The following GPC5 variants were observed in gnomAD, a reference collection of about 807,000 sequenced individuals.
The protein encoded by GPC5 is glypican-5.
GPC5 carries 47 observed loss-of-function variants against 53.9 expected under a neutral mutation model. The ratio of observed to expected loss-of-function variants is 0.87; its 90% CI spans 0.69 to 1.11. GPC5 has a LOEUF of 1.11. GPC5 is among the 50% of genes most tolerant of loss of function. The pLI, the probability that GPC5 is intolerant of heterozygous loss-of-function variation, is 0.00. For synonymous variants in GPC5, 286 were observed against 263.3 expected (o/e 1.09, Z -0.84); for missense variants, 748 against 713.1 (o/e 1.05, Z -0.56).
intron 5 of GPC5, among the ~76,000 whole-genome samples, chr13:91,852,566 T>C (rs2038926385): frequency 6.6e-6 from 1 of 152,122 alleles, no homozygotes; most frequent in Non-Finnish European, 1.5e-5. Flanking sequence ...GAAAATCTTT[T>C]GGTGTTGGAG....
chr13:91,571,207 A>G (rs918836353), intron 2 of GPC5, among the ~76,000 whole-genome samples: 3 of 152,144 alleles, frequency 2.0e-5, no homozygotes, highest in African/African-American at 7.2e-5. Flanking sequence ...AATAATTTGT[A>G]TGCAAGTATA....
intron 1 of GPC5, among the ~76,000 whole-genome samples, chr13:91,414,666 C>G (rs1878052492): frequency 6.6e-6 from 1 of 152,158 alleles, no homozygotes; most frequent in African/African-American, 2.4e-5. Flanking sequence ...CTCTGTTTGG[C>G]TTTTGCATAG....
intron 5 of GPC5, among the ~76,000 whole-genome samples, chr13:91,872,872 C>T (rs941905096): frequency 6.6e-6 from 1 of 151,936 alleles, no homozygotes; most frequent in Non-Finnish European, 1.5e-5. Flanking sequence ...AAAAAACACT[C>T]ATGGAAGAAA....
At chr13:92,803,682 T>C (rs1876990045) in intron 7 of GPC5, among the ~76,000 whole-genome samples, 1 of 151,966 alleles carries the variant, frequency 6.6e-6, no homozygotes, top group African/African-American at 2.4e-5. Context: ...TTATTTTCCA[T>C]TCTTTTGATT....
At chr13:92,494,454 A>C (rs2138919039) in intron 7 of GPC5, among the ~76,000 whole-genome samples, 1 of 152,330 alleles carries the variant, frequency 6.6e-6, no homozygotes, top group East Asian at 1.9e-4. Context: ...TCATCCTTGA[A>C]AGGAAATCAT....
intron 1 of GPC5, among the ~76,000 whole-genome samples, chr13:91,412,624 A>G (rs1285378543): frequency 6.6e-6 from 1 of 152,242 alleles, no homozygotes; most frequent in African/African-American, 2.4e-5. Context: ...ATATGTGAAG[A>G]TTAGTGAACT....
chr13:91,594,009 C>T (rs1196075710), intron 2 of GPC5, among the ~76,000 whole-genome samples: 1 of 151,792 alleles, frequency 6.6e-6, no homozygotes, highest in African/African-American at 2.4e-5. Flanking sequence ...TTTCACATTT[C>T]ATTTATTATG....
intron 5 of GPC5, among the ~76,000 whole-genome samples, chr13:91,845,162 C>T (rs969764118): frequency 2.6e-5 from 4 of 151,602 alleles, no homozygotes; most frequent in African/African-American, 9.7e-5. Context: ...ATAATTAATG[C>T]CTTTAATTTT....
In GPC5 at chr13:92,789,137, G is replaced by A. The variant is rs144691270; in HGVS notation, c.1562-77145G>A. On this transcript the variant is annotated intron_variant, in intron 7 of 7. Coordinates refer to ENST00000377067, the MANE Select transcript of GPC5 (RefSeq NM_004466.6). Reference sequence around the variant, plus strand: ...CTTTTCCATGTTCAGTCATTGGCTGGGAGTATCCTAAGGAAAGCACGGCTT... The same window carrying A: ...CTTTTCCATGTTCAGTCATTGGCTGAGAGTATCCTAAGGAAAGCACGGCTT... Among the ~76,000 whole-genome samples, 295 of 152,232 alleles carry A rather than the reference G, an allele frequency of 1.9e-3. 1 individual carries two copies. Among genetic ancestry groups the A allele is most frequent in the African/African-American group, 6.8e-3 (284 of 41,544 alleles).
intron 2 of GPC5, among the ~76,000 whole-genome samples, chr13:91,525,673 G>A (rs1886051877): frequency 1.3e-5 from 2 of 152,120 alleles, no homozygotes; most frequent in Admixed American, 1.3e-4. Context: ...CCTTCAGTTG[G>A]TATTGTCTCA....
intron 7 of GPC5, among the ~76,000 whole-genome samples, chr13:92,611,759 A>G (rs564491978): frequency 5.3e-5 from 8 of 152,278 alleles, no homozygotes; most frequent in African/African-American, 1.9e-4. Context: ...TTCTTTTAAA[A>G]AGATTTCTCT....
At chr13:91,989,475 C>G (rs972344395) in intron 6 of GPC5, among the ~76,000 whole-genome samples, 1 of 152,064 alleles carries the variant, frequency 6.6e-6, no homozygotes, top group African/African-American at 2.4e-5. Context: ...ATGAATGGCT[C>G]TTTAAAACTG....
intron 2 of GPC5, among the ~76,000 whole-genome samples, chr13:91,661,107 C>T (rs2034977198): frequency 6.6e-6 from 1 of 152,106 alleles, no homozygotes; most frequent in South Asian, 2.1e-4. Flanking sequence ...CACTGTAAGG[C>T]AAGGGTCACC....
intron 2 of GPC5, among the ~76,000 whole-genome samples, chr13:91,525,404 T>G (rs1886039288): frequency 6.6e-6 from 1 of 152,214 alleles, no homozygotes; most frequent in South Asian, 2.1e-4. Flanking sequence ...AGGTTATATA[T>G]TTCATTAGGA....
chr13:92,584,197 A>C (rs753512157), intron 7 of GPC5, among the ~76,000 whole-genome samples: 3 of 152,192 alleles, frequency 2.0e-5, no homozygotes, highest in Non-Finnish European at 2.9e-5. Context: ...TGGAGAGCTC[A>C]GAAGAAGACA....
intron 2 of GPC5, among the ~76,000 whole-genome samples, chr13:91,548,814 A>C (rs940823581): frequency 6.6e-6 from 1 of 152,228 alleles, no homozygotes; most frequent in Non-Finnish European, 1.5e-5. Context: ...TTGTCAACTG[A>C]TCTTTGGTGA....
At chr13:92,304,083 C>A (rs1000491828) in intron 7 of GPC5, among the ~76,000 whole-genome samples, 1 of 152,090 alleles carries the variant, frequency 6.6e-6, no homozygotes, top group Non-Finnish European at 1.5e-5. Context: ...TGTAACTTCT[C>A]TGGCCTCATT....
intron 7 of GPC5, among the ~76,000 whole-genome samples, chr13:92,441,112 C>A (rs1877537156): frequency 6.6e-6 from 1 of 152,118 alleles, no homozygotes; most frequent in Non-Finnish European, 1.5e-5. Context: ...CATTTTGTGA[C>A]CCCGGCTGGG....
intron 5 of GPC5, among the ~76,000 whole-genome samples, chr13:91,842,028 C>A (rs183562027): frequency 6.6e-6 from 1 of 152,116 alleles, no homozygotes; most frequent in African/African-American, 2.4e-5. Flanking sequence ...TGCATAGACA[C>A]GGCTTTATTG....
Sources: allele counts gnomAD v4.1 joint callset (sites outside exome capture counted in the v4.1 genomes callset), GRCh38; gene constraint gnomAD v4.1.1; transcripts MANE v1.5; gene names NCBI Gene and HGNC (gene_info 2026-07-23, HGNC 2026-07-21).